Variants in STAC observed in about 807,000 individuals in gnomAD.
The protein encoded by STAC is SH3 and cysteine rich domain.
STAC carries 43 observed loss-of-function variants against 48.8 expected under a neutral mutation model. The observed-to-expected ratio is 0.88, with a 90% CI of 0.69 to 1.14. The LOEUF is 1.14. Among genes scored for constraint, STAC ranks in the 50% most tolerant of loss-of-function variants. The pLI, the probability that STAC is intolerant of heterozygous loss-of-function variation, is 0.00. For synonymous variants in STAC, 193 were observed against 179.5 expected, an observed-to-expected ratio of 1.07 and a Z score of -0.60; for missense variants, 497 against 504.0, an observed-to-expected ratio of 0.99 and a Z score of 0.13.
intron 6 of STAC, among the ~76,000 whole-genome samples, chr3:36,495,350 T>G (rs888725648): frequency 6.6e-6 from 1 of 152,214 alleles, no homozygotes; most frequent in Non-Finnish European, 1.5e-5. Flanking sequence ...TAGTCATCTT[T>G]AAGTTAACCT....
At chr3:36,518,253 G>A (rs1360609156) in intron 8 of STAC, among the ~76,000 whole-genome samples, 1 of 152,128 alleles carries the variant, frequency 6.6e-6, no homozygotes, top group African/African-American at 2.4e-5. Flanking sequence ...TGTAACAAAG[G>A]ATTGAGAGTA....
intron 2 of STAC, among the ~76,000 whole-genome samples, chr3:36,448,822 A>G (rs1181158440): frequency 6.6e-6 from 1 of 152,000 alleles, no homozygotes; most frequent in Non-Finnish European, 1.5e-5. Flanking sequence ...TTGCACCTGT[A>G]ATCTCAGCTA....
intron 1 of STAC, among the ~76,000 whole-genome samples, chr3:36,415,305 G>A (rs941972134): frequency 2.9e-4 from 44 of 152,248 alleles, no homozygotes; most frequent in African/African-American, 7.9e-4. Flanking sequence ...CTTGAGCTGC[G>A]GTGGGCTCCA....
intron 1 of STAC, among the ~76,000 whole-genome samples, chr3:36,386,488 A>G (rs1239954521): frequency 2.0e-5 from 3 of 150,740 alleles, no homozygotes; most frequent in Admixed American, 6.6e-5. Flanking sequence ...TTTCTCTTCT[A>G]TGGTTGTGCT....
chr3:36,438,461 A>G (rs1216392653), intron 1 of STAC, among the ~76,000 whole-genome samples: 1 of 152,154 alleles, frequency 6.6e-6, no homozygotes, highest in Non-Finnish European at 1.5e-5. Context: ...GTTTGCTTCT[A>G]TTTCTGCATT....
chr3:36,463,500 G>A (rs1014732161), intron 2 of STAC, among the ~76,000 whole-genome samples: 1 of 148,544 alleles, frequency 6.7e-6, no homozygotes, highest in Non-Finnish European at 1.5e-5. Context: ...AATTTTTTTT[G>A]GTAGTTTTTC....
At chr3:36,543,474 A>T (rs1038629636) in intron 10 of STAC, among the ~76,000 whole-genome samples, 2 of 152,232 alleles carry the variant, frequency 1.3e-5, no homozygotes, top group Non-Finnish European at 2.9e-5. Context: ...GTTGAAAATA[A>T]GCCAGTGCAT....
At chr3:36,484,924 T>C (rs1697761183) in intron 3 of STAC, 53 bp from the exon 4 acceptor site, 12 of 1,456,968 alleles carry the variant, frequency 8.2e-6, no homozygotes, top group Non-Finnish European at 1.0e-5. Context: ...TCTTGTATGG[T>C]TTTCTCCATC....
chr3:36,396,925 G>C (rs1262988355), intron 1 of STAC, among the ~76,000 whole-genome samples: 1 of 152,088 alleles, frequency 6.6e-6, no homozygotes. Flanking sequence ...CTCCCACACA[G>C]AGTCTATCCC....
chr3:36,539,045 A>G (rs1699261968), intron 10 of STAC, among the ~76,000 whole-genome samples: 1 of 152,142 alleles, frequency 6.6e-6, no homozygotes, highest in South Asian at 2.1e-4. Context: ...GATTCCTCCC[A>G]AGAGACTGTT....
intron 2 of STAC, among the ~76,000 whole-genome samples, chr3:36,479,716 A>G (rs1697593517): frequency 6.6e-6 from 1 of 152,240 alleles, no homozygotes; most frequent in African/African-American, 2.4e-5. Context: ...AAATTTAAAG[A>G]GCCAGACTGA....
chr3:36,498,735 A>G (rs1575241921), intron 6 of STAC, among the ~76,000 whole-genome samples: 1 of 152,224 alleles, frequency 6.6e-6, no homozygotes, highest in Admixed American at 6.5e-5. Context: ...CCTGGGAGAG[A>G]CAGCACCAGA....
chr3:36,525,057 CTATT>C (rs1226020395), intron 8 of STAC, among the ~76,000 whole-genome samples: 4 of 152,118 alleles, frequency 2.6e-5, no homozygotes, highest in Admixed American at 6.5e-5. Context: ...TTATTAGTAT[CTATT>C]TATTAAGTTT....
chr3:36,396,791 A>G (rs1031959190), intron 1 of STAC, among the ~76,000 whole-genome samples: 5 of 152,182 alleles, frequency 3.3e-5, no homozygotes, highest in African/African-American at 1.2e-4. Context: ...GTTACTCAGA[A>G]TCACTCTTCT....
At chr3:36,471,994 C>T (rs1018760091) in intron 2 of STAC, among the ~76,000 whole-genome samples, 5 of 152,262 alleles carry the variant, frequency 3.3e-5, no homozygotes, top group Non-Finnish European at 7.3e-5. Flanking sequence ...TCCCACCCCA[C>T]ATTTCCCTTC....
intron 2 of STAC, among the ~76,000 whole-genome samples, chr3:36,456,067 G>GCGCA (rs1553636434): frequency 1.3e-5 from 2 of 150,168 alleles, no homozygotes; most frequent in African/African-American, 4.9e-5. Flanking sequence ...ACACACGTGC[G>GCGCA]CACACACACA....
chr3:36,393,695 G>C (rs929090519), intron 1 of STAC, among the ~76,000 whole-genome samples: 3 of 148,538 alleles, frequency 2.0e-5, no homozygotes, highest in Non-Finnish European at 3.0e-5. Flanking sequence ...TCCCTCATGT[G>C]AGCGTGTAGC....
chr3:36,390,564 T>C (rs909877043), intron 1 of STAC, among the ~76,000 whole-genome samples: 1 of 150,418 alleles, frequency 6.6e-6, no homozygotes, highest in Non-Finnish European at 1.5e-5. Flanking sequence ...TGCTTGGCCA[T>C]GGGGATTTTC....
intron 2 of STAC, among the ~76,000 whole-genome samples, chr3:36,465,368 T>C (rs1439150087): frequency 6.6e-6 from 1 of 152,160 alleles, no homozygotes; most frequent in African/African-American, 2.4e-5. Context: ...AGTCCTTTGT[T>C]GGAGGTATAC....
Sources: allele counts gnomAD v4.1 joint callset (sites outside exome capture counted in the v4.1 genomes callset), GRCh38; gene constraint gnomAD v4.1.1; transcripts MANE v1.5; gene names NCBI Gene and HGNC (gene_info 2026-07-23, HGNC 2026-07-21).